The following TUB variants were observed in gnomAD, a reference collection of about 807,000 sequenced individuals.
TUB encodes the protein TUB bipartite transcription factor.
TUB carries 33 observed loss-of-function variants against 59.7 expected under a neutral mutation model. That is an observed-to-expected ratio of 0.55 (90% confidence interval 0.42 to 0.74). TUB has a LOEUF of 0.74. Ranked by LOEUF, TUB falls within the 30% of genes least tolerant of loss-of-function variation. The pLI is 0.00. For missense variants in TUB, 659 were observed against 672.0 expected, an observed-to-expected ratio of 0.98 and a Z score of 0.21; for synonymous variants, 293 against 256.4, an observed-to-expected ratio of 1.14 and a Z score of -1.36.
At chr11:8,031,360 G>A (rs2133710420) in intron 1 of TUB, among the ~76,000 whole-genome samples, 1 of 152,316 alleles carries the variant, frequency 6.6e-6, no homozygotes, top group Admixed American at 6.5e-5. Context: ...GCTTTCACAG[G>A]CACCTTGCCT....
In TUB at chr11:8,101,717, C is replaced by G. The variant is rs111814239; in HGVS notation, c.*98C>G. The G allele has an allele frequency of 2.7e-6, 4 of 1,484,818 alleles. No individual in the cohort carries two copies. Among genetic ancestry groups the G allele is most frequent in the South Asian group, 1.4e-5 (1 of 73,992 alleles). 92.0% of individuals were successfully genotyped at this position (1,484,818 alleles called of 1,614,324 possible). ...GCCTATCCTCTGTATATAGGCCTTC[C>G]GCCAGATGAAGCTTTGGCCCTCAGT... On this transcript the variant is annotated 3_prime_UTR_variant, in exon 12 of 12. Transcript: ENST00000299506.
intron 9 of TUB, among the ~76,000 whole-genome samples, chr11:8,100,259 C>T (rs565823164): frequency 1.3e-4 from 19 of 151,212 alleles, no homozygotes; most frequent in East Asian, 3.9e-4. Context: ...AGTAGTTTGC[C>T]GGAGCGAGTG....
chr11:8,031,706 G>T (rs759191341), intron 1 of TUB, among the ~76,000 whole-genome samples: 14 of 152,250 alleles, frequency 9.2e-5, no homozygotes, highest in Non-Finnish European at 1.6e-4. Context: ...GTCCGAGCTG[G>T]CCATGCGCGA....
intron 9 of TUB, among the ~76,000 whole-genome samples, chr11:8,099,354 T>C (rs886947244): frequency 1.3e-5 from 2 of 152,094 alleles, no homozygotes; most frequent in Non-Finnish European, 2.9e-5. Flanking sequence ...AATATAAATA[T>C]AGGGGATTAC....
chr11:8,094,655 CTG>C (rs757433154), intron 4 of TUB, among the ~76,000 whole-genome samples: 3 of 152,236 alleles, frequency 2.0e-5, no homozygotes, highest in Non-Finnish European at 2.9e-5. Flanking sequence ...GTTCCACCCT[CTG>C]GACCACAGAC....
intron 2 of TUB, among the ~76,000 whole-genome samples, chr11:8,061,096 T>G (rs1288337127): frequency 1.3e-5 from 2 of 152,354 alleles, no homozygotes; most frequent in East Asian, 3.9e-4. Context: ...CCCAGGGCTG[T>G]GAAGCCACAG....
At chr11:8,044,778 C>G (rs575860526) in intron 2 of TUB, among the ~76,000 whole-genome samples, 3 of 152,314 alleles carry the variant, frequency 2.0e-5, no homozygotes, top group Admixed American at 2.0e-4. Context: ...TCCTAGGACC[C>G]CTGCTCAGGT....
At chr11:8,056,617 C>A (rs986184374) in intron 2 of TUB, among the ~76,000 whole-genome samples, 2 of 151,932 alleles carry the variant, frequency 1.3e-5, no homozygotes, top group Admixed American at 6.6e-5. Context: ...TACATATGCG[C>A]ATGGGAGCCT....
intron 1 of TUB, 141 bp downstream of exon 1, chr11:8,081,689 TCCTC>T: frequency 2.1e-6 from 2 of 948,066 alleles, no homozygotes; most frequent in Non-Finnish European, 2.8e-6. Flanking sequence ...CGCTGGTCCT[TCCTC>T]CCTCAACTTT....
chr11:8,068,483 C>G (rs1589947515), intron 2 of TUB: 1 of 152,420 alleles, frequency 6.6e-6, no homozygotes, highest in East Asian at 1.9e-4. Flanking sequence ...GGCCCTGTTC[C>G]AGACCAACTT....
intron 9 of TUB, among the ~76,000 whole-genome samples, chr11:8,099,496 T>C (rs1379458113): frequency 6.6e-6 from 1 of 152,220 alleles, no homozygotes; most frequent in African/African-American, 2.4e-5. Context: ...TGGTGCCACC[T>C]GCTGACCAGT....
intron 5 of TUB, among the ~76,000 whole-genome samples, chr11:8,096,130 C>T (rs1367774679): frequency 6.6e-6 from 1 of 152,138 alleles, no homozygotes; most frequent in Admixed American, 6.5e-5. Context: ...TTTGAGACAA[C>T]TTGAGGATGG....
chr11:8,061,349 G>T (rs1263736147), intron 2 of TUB, among the ~76,000 whole-genome samples: 1 of 152,218 alleles, frequency 6.6e-6, no homozygotes, highest in Non-Finnish European at 1.5e-5. Context: ...GCCTAGACCA[G>T]TGTGTGGGGG....
chr11:8,101,786 T>A lies in TUB; in HGVS notation c.*167T>A. 3.8e-5 allele frequency: 45 copies of A among 1,193,152 alleles called. No homozygotes were observed. Among genetic ancestry groups the A allele is most frequent in the Non-Finnish European group, 4.7e-5 (42 of 885,166 alleles). The allele number at this position is 1,193,152 out of a possible 1,614,324, so 73.9% of individuals were successfully genotyped here. On this transcript the variant is annotated 3_prime_UTR_variant, in exon 12 of 12. Transcript: ENST00000299506. ...AGCCAGGAACTGGCTCCTTTGCCTC[T>A]GCTACTGAGGCAGGGGAGTAGTGGA...
chr11:8,056,316 G>A (rs777070727), intron 2 of TUB, among the ~76,000 whole-genome samples: 2 of 152,152 alleles, frequency 1.3e-5, no homozygotes, highest in African/African-American at 2.4e-5. Context: ...TGGAATGTGC[G>A]GCCATATGGG....
intron 1 of TUB, among the ~76,000 whole-genome samples, chr11:8,028,014 GA>G (rs1942523273): frequency 6.6e-6 from 1 of 152,172 alleles, no homozygotes; most frequent in South Asian, 2.1e-4. Flanking sequence ...GAGAAACCGT[GA>G]AACTGTTTTC....
intron 3 of TUB, among the ~76,000 whole-genome samples, chr11:8,091,870 T>C (rs538368482): frequency 1.3e-5 from 2 of 152,232 alleles, no homozygotes; most frequent in African/African-American, 4.8e-5. Context: ...AGGTGGCCAA[T>C]GTTCTGGGTC....
chr11:8,040,152 C>T (rs904774698), intron 2 of TUB, among the ~76,000 whole-genome samples: 10 of 152,322 alleles, frequency 6.6e-5, no homozygotes, highest in Admixed American at 1.3e-4. Flanking sequence ...ATGCCCTGCC[C>T]CGGGGTGCCG....
chr11:8,034,132 T>G (rs901319822), upstream of TUB, among the ~76,000 whole-genome samples: 4 of 152,166 alleles, frequency 2.6e-5, no homozygotes, highest in African/African-American at 9.7e-5. Flanking sequence ...CCTCCCAGCC[T>G]AACAGCAACG....
Sources: gnomAD v4.1 joint callset for allele counts (sites outside exome capture counted in the v4.1 genomes callset) on GRCh38, gnomAD v4.1.1 for gene constraint, MANE v1.5 for transcripts, NCBI Gene and HGNC (gene_info 2026-07-23, HGNC 2026-07-21) for gene names.